Variants in PCDH15 observed in about 807,000 individuals in gnomAD.
PCDH15 encodes protocadherin-15.
In PCDH15, 129 loss-of-function variants were observed where a neutral mutation model predicts 178.5. The ratio of observed to expected loss-of-function variants is 0.72; its 90% CI spans 0.63 to 0.84. PCDH15 has a LOEUF of 0.84. Ranked by LOEUF, PCDH15 falls within the 40% of genes least tolerant of loss-of-function variation. The probability of loss-of-function intolerance (pLI) is 0.00; values close to 1 mark genes in which losing one functional copy is unlikely to be tolerated. For synonymous variants in PCDH15, 800 were observed against 732.0 expected (o/e 1.09, Z -1.50); for missense variants, 2,230 against 2,099.9 (o/e 1.06, Z -1.21).
At chr10:54,377,385 A>G (rs1451572913) in intron 4 of PCDH15, among the ~76,000 whole-genome samples, 1 of 152,186 alleles carries the variant, frequency 6.6e-6, no homozygotes, top group African/African-American at 2.4e-5. Context: ...TAGGACACAT[A>G]AAACAGATGG....
chr10:54,987,468 T>C (rs1839401127), intron 2 of PCDH15, among the ~76,000 whole-genome samples: 1 of 152,214 alleles, frequency 6.6e-6, no homozygotes, highest in African/African-American at 2.4e-5. Flanking sequence ...TGAACTAATT[T>C]ATACTCCCAC....
intron 3 of PCDH15, among the ~76,000 whole-genome samples, chr10:54,817,053 C>T (rs530356378): frequency 2.6e-5 from 4 of 152,016 alleles, no homozygotes; most frequent in Non-Finnish European, 5.9e-5. Context: ...ATAATTTATG[C>T]CAGTCTTTCA....
At chr10:54,650,914 C>A (rs2094244757) in intron 2 of PCDH15, among the ~76,000 whole-genome samples, 1 of 152,072 alleles carries the variant, frequency 6.6e-6, no homozygotes, top group Non-Finnish European at 1.5e-5. Context: ...TGGGTGAGGA[C>A]ACAGCCAAAC....
At chr10:54,085,877 T>C (rs1298121034) in intron 16 of PCDH15, among the ~76,000 whole-genome samples, 3 of 152,194 alleles carry the variant, frequency 2.0e-5, no homozygotes, top group Non-Finnish European at 2.9e-5. Context: ...ATTATAATGA[T>C]GCGTATTGAG....
At chr10:55,205,011 A>T (rs557273272) in intron 1 of PCDH15, among the ~76,000 whole-genome samples, 1 of 152,160 alleles carries the variant, frequency 6.6e-6, no homozygotes, top group Admixed American at 6.5e-5. Context: ...TTTTGTAAAT[A>T]TTTGTTTGTT....
intron 8 of PCDH15, among the ~76,000 whole-genome samples, chr10:54,273,847 T>A (rs2058189600): frequency 6.6e-6 from 1 of 152,060 alleles, no homozygotes; most frequent in Admixed American, 6.6e-5. Context: ...TGGAACACCC[T>A]TTTATTTCCT....
chr10:53,833,816 G>GT (rs1348142280), intron 29 of PCDH15, among the ~76,000 whole-genome samples: 1 of 151,758 alleles, frequency 6.6e-6, no homozygotes, highest in Admixed American at 6.6e-5. Flanking sequence ...TTATTTATAT[G>GT]TTTTTTCCTT....
chr10:55,410,528 C>T (rs1316110856), intron 2 of PCDH15, among the ~76,000 whole-genome samples: 1 of 152,046 alleles, frequency 6.6e-6, no homozygotes, highest in Non-Finnish European at 1.5e-5. Flanking sequence ...TTTAGAAAAG[C>T]AAAACCTGGA....
chr10:55,112,409 G>A (rs982299032), intron 2 of PCDH15, among the ~76,000 whole-genome samples: 10 of 152,124 alleles, frequency 6.6e-5, no homozygotes, highest in East Asian at 3.9e-4. Context: ...TTGGGAAAGC[G>A]AAGCAGGAAA....
intron 20 of PCDH15, among the ~76,000 whole-genome samples, chr10:54,015,028 A>G (rs953319153): frequency 1.3e-5 from 2 of 152,022 alleles, no homozygotes; most frequent in Non-Finnish European, 2.9e-5. Context: ...TTTGTCCAAA[A>G]CTCCTTGATC....
chr10:53,890,963 T>C (rs1232939810), intron 26 of PCDH15, among the ~76,000 whole-genome samples: 2 of 152,210 alleles, frequency 1.3e-5, no homozygotes, highest in Middle Eastern at 3.2e-3. Context: ...AACTAAACTT[T>C]CTTCATAACG....
Position 54,615,277 on chromosome 10 carries a change from T to TG in PCDH15, c.91+48894dup, listed in dbSNP as rs145702588. On this transcript the variant is annotated intron_variant, in intron 2 of 37. Coordinates refer to ENST00000644397, the MANE Select transcript of PCDH15 (RefSeq NM_001384140.1). ...TGGCAGCCATAAGGCTAGAGTATGT[T>TG]GGGCATAATTCTTCTTTACCAGATA... is the stretch of plus-strand genomic sequence containing the variant. Among the ~76,000 whole-genome samples, 1,296 of 152,200 alleles carry TG rather than the reference T, an allele frequency of 8.5e-3. 16 individuals carry two copies. The highest frequency in any genetic ancestry group is 0.03 in the African/African-American group (1,239 of 41,562).
chr10:53,984,333 G>A (rs1003139162), intron 21 of PCDH15, among the ~76,000 whole-genome samples: 1 of 151,610 alleles, frequency 6.6e-6, no homozygotes, highest in Non-Finnish European at 1.5e-5. Flanking sequence ...GTATATTTTA[G>A]TAGAGACGGA....
chr10:55,356,431 T>C (rs1293958995), intron 2 of PCDH15, among the ~76,000 whole-genome samples: 10 of 151,848 alleles, frequency 6.6e-5, no homozygotes, highest in Non-Finnish European at 2.9e-5. Flanking sequence ...GGAGCTAATA[T>C]TGGTAATAGG....
At chr10:54,872,857 CA>C (rs540856128) in intron 3 of PCDH15, among the ~76,000 whole-genome samples, 99 of 151,854 alleles carry the variant, frequency 6.5e-4, no homozygotes, top group Non-Finnish European at 1.1e-3. Context: ...CATCTCATTT[CA>C]AAAAAACTGC....
chr10:54,307,107 T>TAC (rs2060591566), intron 8 of PCDH15, among the ~76,000 whole-genome samples: 1 of 22,138 alleles, frequency 4.5e-5, no homozygotes, highest in Non-Finnish European at 7.3e-5. Flanking sequence ...TGTGTGTGTA[T>TAC]ATATATATAT....
At chr10:54,092,589 G>A (rs904951969) in intron 15 of PCDH15, among the ~76,000 whole-genome samples, 13 of 151,900 alleles carry the variant, frequency 8.6e-5, no homozygotes, top group African/African-American at 3.1e-4. Context: ...CATTGAGTTA[G>A]TCATAATGGA....
chr10:53,883,023 T>C (rs1241960901), intron 26 of PCDH15, among the ~76,000 whole-genome samples: 1 of 152,066 alleles, frequency 6.6e-6, no homozygotes, highest in Non-Finnish European at 1.5e-5. Context: ...TTCCTTTATG[T>C]TTTTTTGATG....
intron 2 of PCDH15, among the ~76,000 whole-genome samples, chr10:55,154,558 CAGTT>C (rs1194497415): frequency 6.6e-6 from 1 of 152,100 alleles, no homozygotes; most frequent in African/African-American, 2.4e-5. Flanking sequence ...TTAAAGTTAT[CAGTT>C]AGTGAAGGGT....
Sources: gnomAD v4.1 joint callset for allele counts (sites outside exome capture counted in the v4.1 genomes callset) on GRCh38, gnomAD v4.1.1 for gene constraint, MANE v1.5 for transcripts, NCBI Gene and HGNC (gene_info 2026-07-23, HGNC 2026-07-21) for gene names.